FRMPD2: variants seen among roughly 807,000 people sequenced by gnomAD.
The protein encoded by FRMPD2 is FERM and PDZ domain containing 2, also known as FERM and PDZ domain-containing protein 2.
FRMPD2 carries 96 observed loss-of-function variants against 140.1 expected under a neutral mutation model. That is an observed-to-expected ratio of 0.69 (90% confidence interval 0.58 to 0.81). FRMPD2 has a LOEUF of 0.81. Among genes scored for constraint, FRMPD2 ranks in the 40% least tolerant of loss-of-function variants. The pLI is 0.00. For missense variants in FRMPD2, 1,240 were observed against 1,447.4 expected (o/e 0.86, Z 2.32); for synonymous variants, 449 against 547.6 (o/e 0.82, Z 2.52).
chr10:48,191,569 G>A (rs181502336), intron 16 of FRMPD2, among the ~76,000 whole-genome samples: 1 of 152,162 alleles, frequency 6.6e-6, no homozygotes, highest in African/African-American at 2.4e-5. Flanking sequence ...AACAGAATTG[G>A]GGGCAATAAT....
Position 48,223,359 on chromosome 10 carries a change from G to A in FRMPD2, c.1169-89C>T, listed in dbSNP as rs1409867957. 5.2e-6 allele frequency: 7 copies of A among 1,336,000 alleles called. No individual in the cohort carries two copies. The African/African-American group carries it at 8.7e-5, about 17-fold the overall frequency. The allele number at this position is 1,336,000 out of a possible 1,614,324, so 82.8% of individuals were successfully genotyped here. A position where few individuals can be genotyped will look rare whatever the true frequency, so the allele number is the denominator to read the frequency against. The stretch of plus-strand genomic sequence containing the variant: ...CATAGCCCTAAGCCCTACCCAGAGT[G>A]TCACACACGAGCTGGGTGAGTGCAG... On this transcript the variant is annotated intron_variant, in intron 10 of 28. Coordinates refer to ENST00000374201, the MANE Select transcript of FRMPD2 (RefSeq NM_001018071.4).
intron 12 of FRMPD2, among the ~76,000 whole-genome samples, chr10:48,220,707 T>C (rs908390545): frequency 3.3e-5 from 5 of 151,970 alleles, no homozygotes; most frequent in African/African-American, 7.3e-5. Context: ...AGGACTAATA[T>C]CCAGAACCTA....
Position 48,251,651 on chromosome 10 carries a change from C to A in FRMPD2, c.66G>T (p.Gln22His), listed in dbSNP as rs946670919. ...LSSVTLASAL[Q>H]VRGEALSEEE... is the part of the protein sequence containing the mutation. ...CCTCAGACAGAGCTTCACCCCTGAC[C>A]TGTAGGGCGCTGGCCAGCGTCACAG... The change falls in exon 2 of 29, where the codon CAG becomes CAT. Residue 22 changes from glutamine to histidine, a missense_variant. Physicochemically the swap from Gln to His is conservative, Grantham distance 24. Transcript: ENST00000374201. The A allele has an allele frequency of 6.2e-7, 1 of 1,614,114 alleles. No individual in the cohort carries two copies. The highest frequency in any genetic ancestry group is 1.7e-5 in the Admixed American group (1 of 60,014).
At chr10:48,180,566 GTGCCCAGACAC>G (rs1206768240) in intron 21 of FRMPD2, among the ~76,000 whole-genome samples, 1 of 151,746 alleles carries the variant, frequency 6.6e-6, no homozygotes, top group African/African-American at 2.4e-5. Context: ...CACTGAGCCT[GTGCCCAGACAC>G]TGTCCTAGAA....
intron 14 of FRMPD2, among the ~76,000 whole-genome samples, chr10:48,205,492 T>C (rs931005095): frequency 1.3e-5 from 2 of 152,222 alleles, no homozygotes; most frequent in African/African-American, 4.8e-5. Context: ...TTTATGAATA[T>C]TTTGAAATAG....
intron 18 of FRMPD2, among the ~76,000 whole-genome samples, chr10:48,185,133 T>G (rs1838648591): frequency 6.6e-6 from 1 of 152,164 alleles, no homozygotes; most frequent in South Asian, 2.1e-4. Flanking sequence ...TGGATTTTGC[T>G]CCAGTAGATA....
At chr10:48,212,861 A>G (rs1328978942) in intron 12 of FRMPD2, among the ~76,000 whole-genome samples, 1 of 152,180 alleles carries the variant, frequency 6.6e-6, no homozygotes, top group Non-Finnish European at 1.5e-5. Context: ...AAGTCTGCAG[A>G]AGTCCATGCA....
At chr10:48,184,332 A>G (rs1011759312) in intron 20 of FRMPD2, among the ~76,000 whole-genome samples, 2 of 152,138 alleles carry the variant, frequency 1.3e-5, no homozygotes, top group Non-Finnish European at 2.9e-5. Context: ...GTGTCTAACA[A>G]AATTAGAGTA....
intron 9 of FRMPD2, among the ~76,000 whole-genome samples, chr10:48,234,443 G>T (rs1402855385): frequency 2.6e-5 from 4 of 152,176 alleles, no homozygotes; most frequent in African/African-American, 9.7e-5. Flanking sequence ...GCTGTAAGGG[G>T]AATCTGTTTT....
At chr10:48,248,073 C>T (rs1840292206) in intron 3 of FRMPD2, among the ~76,000 whole-genome samples, 2 of 152,220 alleles carry the variant, frequency 1.3e-5, no homozygotes, top group African/African-American at 4.8e-5. Context: ...CTCTGCCTTT[C>T]AGAGCCTGGA....
At chr10:48,229,358 C>T (rs1839797615) in intron 10 of FRMPD2, among the ~76,000 whole-genome samples, 1 of 152,154 alleles carries the variant, frequency 6.6e-6, no homozygotes. Context: ...AGTGATTCTA[C>T]TTTGATCAAG....
intron 3 of FRMPD2, 90 bp from the exon 4 acceptor site, chr10:48,244,939 AC>A: frequency 1.0e-6 from 1 of 973,916 alleles, no homozygotes; most frequent in Non-Finnish European, 1.6e-6. Flanking sequence ...TTCCACATGA[AC>A]AGACACTGTT....
chr10:48,179,737 C>G, intron 21 of FRMPD2, among the ~76,000 whole-genome samples: 1 of 152,036 alleles, frequency 6.6e-6, no homozygotes, highest in Non-Finnish European at 1.5e-5. Context: ...TTAGTTTCCA[C>G]GGCTGTGGAC....
chr10:48,254,982 C>A (rs1840460500), intron 1 of FRMPD2, among the ~76,000 whole-genome samples: 1 of 152,216 alleles, frequency 6.6e-6, no homozygotes, highest in East Asian at 1.9e-4. Flanking sequence ...CTGTATCATG[C>A]ACTGAAAAGG....
At chr10:48,238,237 C>T (rs960521879) in intron 7 of FRMPD2, 114 bp from the exon 8 acceptor site, 2 of 1,042,216 alleles carry the variant, frequency 1.9e-6, no homozygotes, top group Admixed American at 2.4e-5. Context: ...TGATGCATGT[C>T]ACCTTCTCCC....
chr10:48,243,224 G>C (rs1381945871), intron 4 of FRMPD2, among the ~76,000 whole-genome samples: 2 of 152,218 alleles, frequency 1.3e-5, no homozygotes, highest in Non-Finnish European at 2.9e-5. Context: ...GTCACTAAAA[G>C]AGACAAAGAC....
intron 12 of FRMPD2, among the ~76,000 whole-genome samples, chr10:48,218,159 T>C (rs1201261811): frequency 2.0e-5 from 3 of 152,140 alleles, no homozygotes; most frequent in Non-Finnish European, 4.4e-5. Flanking sequence ...AATTTCTTCT[T>C]CTTATAAGGG....
intron 4 of FRMPD2, among the ~76,000 whole-genome samples, chr10:48,243,460 G>A (rs996148403): frequency 6.6e-6 from 1 of 152,182 alleles, no homozygotes; most frequent in African/African-American, 2.4e-5. Flanking sequence ...TAGCAATGTG[G>A]GGTCCCTTGT....
At chr10:48,228,458 A>C (rs966302339) in intron 10 of FRMPD2, among the ~76,000 whole-genome samples, 4 of 152,098 alleles carry the variant, frequency 2.6e-5, no homozygotes, top group Non-Finnish European at 5.9e-5. Context: ...GTTGTTGAAC[A>C]TAAGTTTAAG....
Sources: allele counts gnomAD v4.1 joint callset (sites outside exome capture counted in the v4.1 genomes callset), GRCh38; gene constraint gnomAD v4.1.1; transcripts MANE v1.5; gene names NCBI Gene and HGNC (gene_info 2026-07-23, HGNC 2026-07-21).